KLF12: variants seen among roughly 807,000 people sequenced by gnomAD.
KLF12 encodes the protein Krueppel-like factor 12.
In KLF12, 9 loss-of-function variants were observed where a neutral mutation model predicts 37.8. That is an observed-to-expected ratio of 0.24 (90% CI 0.14 to 0.42). The LOEUF (loss-of-function observed/expected upper bound fraction) is 0.42. KLF12 is among the 10% of genes least tolerant of loss of function. KLF12 has a pLI of 1.00. For missense variants in KLF12, 411 were observed against 516.0 expected, an observed-to-expected ratio of 0.80 and a Z score of 1.97; for synonymous variants, 208 against 202.1, an observed-to-expected ratio of 1.03 and a Z score of -0.25.
intron 5 of KLF12, among the ~76,000 whole-genome samples, chr13:73,781,223 G>C (rs1432720131): frequency 1.3e-5 from 2 of 152,190 alleles, no homozygotes; most frequent in Non-Finnish European, 1.5e-5. Flanking sequence ...CACTGTTTAA[G>C]ATACAATGTT....
At chr13:74,256,688 T>TTGTGGGTGTG in the KLF12 span, among the ~76,000 whole-genome samples, 11 of 148,022 alleles carry the variant, frequency 7.4e-5, no homozygotes, top group East Asian at 2.2e-3. Context: ...TGAGTAGAGC[T>TTGTGGGTGTG]TGTGTGTGTG....
At chr13:74,244,510 G>T in the KLF12 span, among the ~76,000 whole-genome samples, 1 of 152,194 alleles carries the variant, frequency 6.6e-6, no homozygotes, top group Non-Finnish European at 1.5e-5. Flanking sequence ...AGGTAATTAG[G>T]TAGGAATCAG....
intron 3 of KLF12, among the ~76,000 whole-genome samples, chr13:73,869,449 T>A (rs1033490998): frequency 1.3e-5 from 2 of 152,168 alleles, no homozygotes; most frequent in African/African-American, 4.8e-5. Context: ...CTACCTGAAC[T>A]ATTGCATTTA....
chr13:74,263,560 G>T, the KLF12 span, among the ~76,000 whole-genome samples: 3 of 152,152 alleles, frequency 2.0e-5, no homozygotes, highest in African/African-American at 7.2e-5. Flanking sequence ...CACTTCTAGT[G>T]AGTTACTGAG....
intron 4 of KLF12, among the ~76,000 whole-genome samples, chr13:73,827,803 T>G (rs1441246968): frequency 6.6e-6 from 1 of 152,210 alleles, no homozygotes; most frequent in Non-Finnish European, 1.5e-5. Context: ...CCTAAAGTGA[T>G]CCGCCTGCCT....
chr13:73,885,561 G>GGT (rs1887181217), intron 3 of KLF12, among the ~76,000 whole-genome samples: 1 of 152,150 alleles, frequency 6.6e-6, no homozygotes, highest in Admixed American at 6.5e-5. Flanking sequence ...CTTTAAAACA[G>GGT]GTGGTCACAC....
chr13:73,981,373 T>C (rs910740244), intron 2 of KLF12, among the ~76,000 whole-genome samples: 7 of 152,148 alleles, frequency 4.6e-5, no homozygotes, highest in African/African-American at 1.4e-4. Flanking sequence ...GGAATGTCCA[T>C]TGCTGAAAAA....
intron 7 of KLF12, among the ~76,000 whole-genome samples, chr13:73,696,149 A>G (rs1282091842): frequency 6.6e-6 from 1 of 151,896 alleles, no homozygotes; most frequent in Non-Finnish European, 1.5e-5. Context: ...AAGAATATAC[A>G]CAAAATTTTA....
chr13:74,156,053 A>G, the KLF12 span, among the ~76,000 whole-genome samples: 2 of 152,212 alleles, frequency 1.3e-5, no homozygotes, highest in Non-Finnish European at 2.9e-5. Context: ...ACCTTTTCAT[A>G]CACAACTTTC....
intron 1 of KLF12, among the ~76,000 whole-genome samples, chr13:74,005,776 A>G (rs1462168332): frequency 6.6e-6 from 1 of 152,224 alleles, no homozygotes; most frequent in Non-Finnish European, 1.5e-5. Context: ...ATCTTTGTCC[A>G]AAACATACAA....
intron 2 of KLF12, among the ~76,000 whole-genome samples, chr13:73,975,213 G>A (rs1293285510): frequency 1.3e-5 from 2 of 152,070 alleles, no homozygotes; most frequent in Non-Finnish European, 2.9e-5. Context: ...TGCTCAGCTC[G>A]AGAACACTCG....
At chr13:74,119,374 T>G (rs1002692902) in intron 1 of KLF12, among the ~76,000 whole-genome samples, 1 of 148,920 alleles carries the variant, frequency 6.7e-6, no homozygotes, top group East Asian at 2.0e-4. Context: ...AGCAAGAAAC[T>G]ACCCACTGTC....
chr13:73,971,266 A>C (rs1306980708), intron 2 of KLF12, among the ~76,000 whole-genome samples: 2 of 152,164 alleles, frequency 1.3e-5, no homozygotes, highest in Non-Finnish European at 2.9e-5. Context: ...GGATTTTTAT[A>C]ATGAGGATAA....
intron 3 of KLF12, among the ~76,000 whole-genome samples, chr13:73,902,039 T>C (rs1888064911): frequency 6.6e-6 from 1 of 152,216 alleles, no homozygotes; most frequent in African/African-American, 2.4e-5. Flanking sequence ...ATAGAACTGA[T>C]TCACCTATAA....
At chr13:74,174,705 CT>C in the KLF12 span, among the ~76,000 whole-genome samples, 1 of 152,196 alleles carries the variant, frequency 6.6e-6, no homozygotes, top group African/African-American at 2.4e-5. Flanking sequence ...AAAGTCACAA[CT>C]TTCCAGCCAC....
chr13:73,956,076 A>G (rs1338679317), intron 2 of KLF12, among the ~76,000 whole-genome samples: 1 of 152,236 alleles, frequency 6.6e-6, no homozygotes, highest in East Asian at 1.9e-4. Context: ...GTACCACAAT[A>G]AAGTCATAAA....
At chr13:74,185,052 G>A in the KLF12 span, among the ~76,000 whole-genome samples, 13 of 152,062 alleles carry the variant, frequency 8.5e-5, no homozygotes, top group Admixed American at 7.2e-4. Context: ...TGGTATAGAC[G>A]AATATGGCCC....
intron 5 of KLF12, among the ~76,000 whole-genome samples, chr13:73,810,646 G>GACAC (rs71927679): frequency 0.14 from 21,522 of 150,798 alleles, 1,590 homozygotes; most frequent in African/African-American, 0.16. Context: ...TATTTATAAA[G>GACAC]ACACACACAC....
rs112598668 is a variant in KLF12 at position 73,961,005 on chromosome 13, T to C, written c.34-16935A>G. The stretch of plus-strand genomic sequence containing the variant: ...CCAGTGAGTGTACTTTTAAAGATCT[T>C]ACTCATAGGAGAAATAAATCTTTCC... On this transcript the variant is annotated intron_variant, in intron 2 of 7. Transcript: ENST00000377669. Among the ~76,000 whole-genome samples the C allele has an allele frequency of 2.0e-3, 312 of 152,254 alleles. 1 individual carries two copies. The highest frequency in any genetic ancestry group is 0.01 in the Middle Eastern group (3 of 294).
Sources: gnomAD v4.1 joint callset for allele counts (sites outside exome capture counted in the v4.1 genomes callset) on GRCh38, gnomAD v4.1.1 for gene constraint, MANE v1.5 for transcripts, NCBI Gene and HGNC (gene_info 2026-07-23, HGNC 2026-07-21) for gene names.